Variants in PKHD1 observed in about 807,000 individuals in gnomAD.
PKHD1 encodes the protein PKHD1 ciliary IPT domain containing fibrocystin/polyductin.
Under a neutral mutation model 412.0 loss-of-function variants are expected in PKHD1, and 291 were observed. The ratio of observed to expected loss-of-function variants is 0.71; its 90% CI spans 0.64 to 0.78. PKHD1 has a LOEUF of 0.78. Among genes scored for constraint, PKHD1 ranks in the 30% least tolerant of loss-of-function variants. PKHD1 has a pLI of 0.00. For missense variants in PKHD1, 4,825 were observed against 4,950.7 expected, an observed-to-expected ratio of 0.97 and a Z score of 0.76; for synonymous variants, 1,777 against 1,821.5, an observed-to-expected ratio of 0.98 and a Z score of 0.62.
intron 35 of PKHD1, among the ~76,000 whole-genome samples, chr6:51,984,161 T>C (rs1795929843): frequency 6.6e-6 from 1 of 152,160 alleles, no homozygotes; most frequent in South Asian, 2.1e-4. Flanking sequence ...AAAGACAAGA[T>C]AAAAACACGT....
At chr6:52,080,193 A>C (rs543685083) in intron 4 of PKHD1, among the ~76,000 whole-genome samples, 185 bp from the exon 5 acceptor site, 1 of 151,990 alleles carries the variant, frequency 6.6e-6, no homozygotes, top group Non-Finnish European at 1.5e-5. Context: ...TGGGTCCTTC[A>C]GCAAAAAAAA....
rs762431214 is a variant in PKHD1, at chr6:51,748,622, T to C, written c.8994A>G (p.Ser2998=). ...LLNVEIQNFG[S]PLYSSVEFSN... ...TGAATTCAACAGATGAGTACAATGG[T>C]GACCCGAAGTTCTGAATTTCCACAT... Residue 2998 remains serine (S), a synonymous_variant, in exon 58 of 67, where the codon TCA becomes TCG. Coordinates refer to ENST00000371117, the MANE Select transcript of PKHD1 (RefSeq NM_138694.4). 6.2e-7 allele frequency: 1 copy of C among 1,613,790 alleles called. No individual in the cohort carries two copies. The highest frequency in any genetic ancestry group is 8.5e-7 in the Non-Finnish European group (1 of 1,179,780).
chr6:51,851,622 C>T (rs1772258139), intron 49 of PKHD1, among the ~76,000 whole-genome samples: 1 of 152,138 alleles, frequency 6.6e-6, no homozygotes, highest in Non-Finnish European at 1.5e-5. Flanking sequence ...CAGCTTCTTC[C>T]TGGATTAGTC....
chr6:51,766,615 A>ATATTTTTATTTTTATTTTTTT (rs562939539), intron 55 of PKHD1, among the ~76,000 whole-genome samples: 9 of 150,932 alleles, frequency 6.0e-5, no homozygotes, highest in Admixed American at 2.6e-4. Flanking sequence ...TGGTGTATTC[A>ATATTTTTATTTTTATTTTTTT]TATTTTTATT....
At chr6:52,013,740 T>C (rs186907984) in intron 34 of PKHD1, among the ~76,000 whole-genome samples, 8 of 152,198 alleles carry the variant, frequency 5.3e-5, no homozygotes, top group Non-Finnish European at 1.2e-4. Context: ...GCAAAGATTG[T>C]TCTAGTATCT....
At chr6:52,048,129 T>G (rs1581940949) in intron 23 of PKHD1, among the ~76,000 whole-genome samples, 1 of 152,064 alleles carries the variant, frequency 6.6e-6, no homozygotes, top group South Asian at 2.1e-4. Context: ...TTCACAGGAG[T>G]GTGGCCCTGC....
intron 60 of PKHD1, among the ~76,000 whole-genome samples, chr6:51,705,258 T>G (rs1340291685): frequency 6.7e-6 from 1 of 150,148 alleles, no homozygotes; most frequent in African/African-American, 2.5e-5. Context: ...AACCAGGGAG[T>G]GGACTTGGTG....
At chr6:51,821,560 G>A (rs770983387) in intron 52 of PKHD1, among the ~76,000 whole-genome samples, 6 of 152,012 alleles carry the variant, frequency 3.9e-5, no homozygotes, top group East Asian at 1.9e-4. Flanking sequence ...TAAATAACAT[G>A]GACTTCAATT....
At position 51,775,868 on chromosome 6, in the gene PKHD1, C is replaced by A. The variant is rs779751632; in HGVS notation, c.8494G>T (p.Ala2832Ser). ...KEQKLLILLR[A>S]SEGVFCDRMN... ...CGGTCACAAAAGACTCCCTCTGAGG[C>A]TCTAAGGAGAATCAGAAGCTTTTGT... Residue 2832 changes from alanine (A) to serine (S), a missense_variant, in exon 54 of 67, where the codon GCC (alanine) becomes TCC (serine). Transcript: ENST00000371117. The A allele has an allele frequency of 5.9e-5, 94 of 1,602,406 alleles. No individual in the cohort carries two copies. Among genetic ancestry groups the A allele is most frequent in the Non-Finnish European group, 7.8e-5 (91 of 1,170,454 alleles).
At chr6:51,903,937 A>G in intron 42 of PKHD1, 49 bp downstream of exon 42, 1 of 1,296,016 alleles carries the variant, frequency 7.7e-7, no homozygotes, top group Non-Finnish European at 1.1e-6. Context: ...AAAATATATG[A>G]CAATTTTAAA....
chr6:51,685,472 G>A (rs2150588269), intron 60 of PKHD1, among the ~76,000 whole-genome samples: 1 of 152,048 alleles, frequency 6.6e-6, no homozygotes, highest in South Asian at 2.1e-4. Flanking sequence ...GAGCATACTT[G>A]TTCTCATATT....
At chr6:52,078,066 A>AG (rs1811567622) in intron 5 of PKHD1, among the ~76,000 whole-genome samples, 1 of 152,182 alleles carries the variant, frequency 6.6e-6, no homozygotes, top group Non-Finnish European at 1.5e-5. Flanking sequence ...CTGAAATCTA[A>AG]GAGCCACCAC....
At chr6:51,772,825 T>A (rs746986863) in intron 54 of PKHD1, 36 bp from the exon 55 acceptor site, 18 of 1,178,710 alleles carry the variant, frequency 1.5e-5, no homozygotes, top group African/African-American at 3.0e-5. Context: ...GATAGAAAAA[T>A]CCTTCAGAGG....
intron 35 of PKHD1, among the ~76,000 whole-genome samples, chr6:51,975,118 A>T (rs1794203452): frequency 6.6e-6 from 1 of 152,206 alleles, no homozygotes; most frequent in East Asian, 1.9e-4. Flanking sequence ...GCTTCATTAC[A>T]TTTTGCATAT....
intron 20 of PKHD1, 124 bp from the exon 21 acceptor site, chr6:52,053,375 C>T: frequency 1.1e-6 from 1 of 935,058 alleles, no homozygotes; most frequent in Admixed American, 2.0e-5. Flanking sequence ...ACCCCATGAA[C>T]CCCTGCACCC....
intron 52 of PKHD1, among the ~76,000 whole-genome samples, chr6:51,807,487 G>GTATA (rs1380872996): frequency 5.7e-5 from 6 of 105,670 alleles, no homozygotes; most frequent in African/African-American, 1.4e-4. Context: ...ATATGTATAT[G>GTATA]TGTGTGTGTG....
At chr6:51,666,775 A>C (rs1179203895) in intron 60 of PKHD1, among the ~76,000 whole-genome samples, 1 of 145,632 alleles carries the variant, frequency 6.9e-6, no homozygotes, top group Non-Finnish European at 1.5e-5. Flanking sequence ...ATTCCCACCT[A>C]TGAGTGAGAA....
At chr6:51,803,853 C>T (rs1763290221) in intron 52 of PKHD1, among the ~76,000 whole-genome samples, 1 of 151,064 alleles carries the variant, frequency 6.6e-6, no homozygotes, top group African/African-American at 2.5e-5. Context: ...ATTACAGGTG[C>T]CCATCACCAC....
chr6:51,992,573 C>T (rs1014018285), intron 35 of PKHD1, among the ~76,000 whole-genome samples: 1 of 152,134 alleles, frequency 6.6e-6, no homozygotes, highest in Non-Finnish European at 1.5e-5. Flanking sequence ...TGTGGAGAAG[C>T]CACCAGTACA....
Sources: allele counts gnomAD v4.1 joint callset (sites outside exome capture counted in the v4.1 genomes callset), GRCh38; gene constraint gnomAD v4.1.1; transcripts MANE v1.5; gene names NCBI Gene and HGNC (gene_info 2026-07-23, HGNC 2026-07-21).